CAP2: variants seen among roughly 807,000 people sequenced by gnomAD.
The protein encoded by CAP2 is cyclase associated actin cytoskeleton regulatory protein 2.
A neutral mutation model predicts 57.7 loss-of-function variants in CAP2; 24 were observed. The observed-to-expected ratio is 0.42, with a 90% CI of 0.30 to 0.58. The LOEUF (loss-of-function observed/expected upper bound fraction) is 0.58, where lower values mean the gene tolerates loss of function less well. Ranked by LOEUF, CAP2 falls within the 20% of genes least tolerant of loss-of-function variation. The pLI is 0.22. For missense variants in CAP2, 501 were observed against 590.3 expected, an observed-to-expected ratio of 0.85 and a Z score of 1.57; for synonymous variants, 194 against 207.2, an observed-to-expected ratio of 0.94 and a Z score of 0.55.
At chr6:17,412,118 A>G (rs1486144108) in intron 1 of CAP2, among the ~76,000 whole-genome samples, 1 of 152,078 alleles carries the variant, frequency 6.6e-6, no homozygotes, top group Non-Finnish European at 1.5e-5. Context: ...GTCAGTGCAC[A>G]GAGCCAGGAT....
chr6:17,539,134 G>A, intron 7 of CAP2, 135 bp from the exon 8 acceptor site: 2 of 743,936 alleles, frequency 2.7e-6, no homozygotes, highest in Non-Finnish European at 4.5e-6. Context: ...TGATGCACAG[G>A]TGTGCCCTCT....
At chr6:17,453,325 A>G (rs1190982543) in intron 3 of CAP2, among the ~76,000 whole-genome samples, 1 of 152,090 alleles carries the variant, frequency 6.6e-6, no homozygotes, top group Non-Finnish European at 1.5e-5. Flanking sequence ...TAGACTAAGG[A>G]ACTGCCTTTT....
chr6:17,474,708 A>G (rs1383071094), intron 4 of CAP2, among the ~76,000 whole-genome samples: 1 of 151,972 alleles, frequency 6.6e-6, no homozygotes, highest in African/African-American at 2.4e-5. Flanking sequence ...GTTATTTTAG[A>G]AACACTTCTA....
chr6:17,489,000 A>C (rs1761485989), intron 4 of CAP2, among the ~76,000 whole-genome samples: 1 of 152,154 alleles, frequency 6.6e-6, no homozygotes, highest in African/African-American at 2.4e-5. Context: ...TGCTGGCAGG[A>C]CGTCCTACCA....
chr6:17,478,695 G>T (rs2049020187), intron 4 of CAP2, among the ~76,000 whole-genome samples: 1 of 151,908 alleles, frequency 6.6e-6, no homozygotes, highest in Admixed American at 6.6e-5. Flanking sequence ...CCTCTTTACT[G>T]CCAGCCTTCT....
At chr6:17,475,131 G>T (rs1156330801) in intron 4 of CAP2, among the ~76,000 whole-genome samples, 1 of 151,300 alleles carries the variant, frequency 6.6e-6, no homozygotes, top group Non-Finnish European at 1.5e-5. Flanking sequence ...GGAGGCGGAG[G>T]TTGCAGTGAG....
chr6:17,525,591 C>G (rs1318979022), intron 7 of CAP2, among the ~76,000 whole-genome samples: 6 of 152,188 alleles, frequency 3.9e-5, no homozygotes, highest in Admixed American at 3.9e-4. Context: ...CTCTCCATTT[C>G]TTTTGTGTTG....
rs77581250 is a variant in CAP2 at position 17,522,279 on chromosome 6, A to T, written c.636+8325A>T. Among the ~76,000 whole-genome samples the T allele has an allele frequency of 7.7e-3, 1,170 of 152,336 alleles. 18 individuals are homozygous for T. The highest frequency in any genetic ancestry group is 0.026 in the African/African-American group (1,093 of 41,582). On this transcript the variant is annotated intron_variant, in intron 7 of 12. Transcript: ENST00000229922. Reference sequence around the variant, plus strand: ...TTTAAGTTGGGCCAAAGGAGTTGTTATAGGGAAATCATTCACTTTTACACG... The same window carrying T: ...TTTAAGTTGGGCCAAAGGAGTTGTTTTAGGGAAATCATTCACTTTTACACG...
chr6:17,416,508 T>C (rs764368081), intron 1 of CAP2, among the ~76,000 whole-genome samples: 1 of 152,094 alleles, frequency 6.6e-6, no homozygotes, highest in Non-Finnish European at 1.5e-5. Flanking sequence ...TATAACACTA[T>C]TGGGAGGACA....
intron 8 of CAP2, among the ~76,000 whole-genome samples, chr6:17,540,381 G>C (rs1762869554): frequency 6.6e-6 from 1 of 151,876 alleles, no homozygotes; most frequent in Non-Finnish European, 1.5e-5. Flanking sequence ...TTTTTCGTGA[G>C]GTGGTTTGCT....
intron 4 of CAP2, among the ~76,000 whole-genome samples, chr6:17,479,357 G>C (rs6920312): frequency 0.6 from 90,971 of 151,938 alleles, 27,515 homozygotes; most frequent in East Asian, 0.82. Context: ...TTTCCTCCAC[G>C]CCTCACATCC....
At chr6:17,465,343 C>A (rs6911708) in intron 4 of CAP2, among the ~76,000 whole-genome samples, 3,374 of 152,268 alleles carry the variant, frequency 0.022, 117 homozygotes, top group African/African-American at 0.076. Flanking sequence ...GCATGAACCG[C>A]TGTGCCTGGC....
At chr6:17,554,557 C>G (rs1763249685) in intron 12 of CAP2, among the ~76,000 whole-genome samples, 1 of 152,238 alleles carries the variant, frequency 6.6e-6, no homozygotes, top group Admixed American at 6.5e-5. Context: ...CGTGCCTGGC[C>G]CAGGCCTTTC....
intron 4 of CAP2, among the ~76,000 whole-genome samples, chr6:17,467,930 A>G (rs778948454): frequency 4.6e-5 from 7 of 152,020 alleles, no homozygotes; most frequent in Non-Finnish European, 1.0e-4. Flanking sequence ...TTTCTTACCC[A>G]TTAACCATCC....
At chr6:17,542,132 C>T (rs1425675367) in intron 9 of CAP2, among the ~76,000 whole-genome samples, 5 of 152,174 alleles carry the variant, frequency 3.3e-5, no homozygotes, top group Non-Finnish European at 7.3e-5. Flanking sequence ...AATTACCATT[C>T]TACTTTCTGT....
chr6:17,527,172 C>T (rs188555964), intron 7 of CAP2, among the ~76,000 whole-genome samples: 1 of 152,082 alleles, frequency 6.6e-6, no homozygotes, highest in Non-Finnish European at 1.5e-5. Flanking sequence ...AAAGTACAGT[C>T]GTTTCTGTAT....
intron 11 of CAP2, among the ~76,000 whole-genome samples, chr6:17,549,612 C>A (rs558172262): frequency 6.6e-6 from 1 of 152,240 alleles, no homozygotes; most frequent in Admixed American, 6.5e-5. Context: ...AGTATAGATG[C>A]CAGTTAATAC....
intron 7 of CAP2, among the ~76,000 whole-genome samples, chr6:17,533,858 G>A (rs190861935): frequency 1.6e-3 from 251 of 152,156 alleles, no homozygotes; most frequent in Non-Finnish European, 2.6e-3. Flanking sequence ...GAGCCACTGC[G>A]CCCAGCCTCA....
intron 3 of CAP2, among the ~76,000 whole-genome samples, chr6:17,434,359 G>T (rs1759819149): frequency 6.6e-6 from 1 of 151,780 alleles, no homozygotes; most frequent in Non-Finnish European, 1.5e-5. Flanking sequence ...CTCCTGAGTA[G>T]CTGGGACTAT....
Sources: allele counts gnomAD v4.1 joint callset (sites outside exome capture counted in the v4.1 genomes callset), GRCh38; gene constraint gnomAD v4.1.1; transcripts MANE v1.5; gene names NCBI Gene and HGNC (gene_info 2026-07-23, HGNC 2026-07-21).